Variants in NHLH2 observed in about 807,000 individuals in gnomAD.
NHLH2 encodes helix-loop-helix protein 2.
Under a neutral mutation model 7.3 loss-of-function variants are expected in NHLH2, and 7 were observed. The ratio of observed to expected loss-of-function variants is 0.96; its 90% CI spans 0.55 to 1.81. The LOEUF (loss-of-function observed/expected upper bound fraction) is 1.81, where lower values mean the gene tolerates loss of function less well. NHLH2 is among the 40% of genes most tolerant of loss of function. The pLI is 0.00. For missense variants in NHLH2, 155 were observed against 194.0 expected, an observed-to-expected ratio of 0.80 and a Z score of 1.19; for synonymous variants, 93 against 91.6, an observed-to-expected ratio of 1.01 and a Z score of -0.09.
At chr1:115,833,830 T>C (rs1418658), downstream of NHLH2, among the ~76,000 whole-genome samples, 2,551 of 152,320 alleles carry the variant, frequency 0.017, 79 homozygotes, top group African/African-American at 0.058. Flanking sequence ...GCTCTTAAGT[T>C]GGCCCTCTTC....
rs1313234520 is a variant in NHLH2 at position 115,838,023 on chromosome 1, T to G, written c.350A>C (p.Glu117Ala). Residue 117 changes from glutamate (E) to alanine (A), a missense_variant, in exon 3 of 3, where the codon GAG becomes GCG. This residue lies in a region of NHLH2 where 64 missense variants were observed against 107.4 expected (regional missense o/e 0.60). Transcript: ENST00000320238. Reference sequence around the variant, plus strand: ...GTAGCAGATGGCCAGGCGCAGGATCTCGATCTTGGAGAGCTTCTTGTCCGG... The same window carrying G: ...GTAGCAGATGGCCAGGCGCAGGATCGCGATCTTGGAGAGCTTCTTGTCCGG... ...LPPDKKLSKI[E>A]ILRLAICYIS... 2 of 1,610,436 alleles carry G rather than the reference T, an allele frequency of 1.2e-6. No individual in the cohort carries two copies. The highest frequency in any genetic ancestry group is 1.7e-6 in the Non-Finnish European group (2 of 1,178,638).
intron 2 of NHLH2, chr1:115,839,791 G>A (rs1651011788): frequency 6.0e-6 from 1 of 166,982 alleles, no homozygotes; most frequent in Non-Finnish European, 1.5e-5. Context: ...TCGGTTCCCA[G>A]CACCGCACTT....
At chr1:115,834,398 T>G (rs138918582), downstream of NHLH2, among the ~76,000 whole-genome samples, 2 of 152,286 alleles carry the variant, frequency 1.3e-5, no homozygotes, top group African/African-American at 2.4e-5. Flanking sequence ...GACATGTGGT[T>G]CTGGGTCTGT....
At chr1:115,839,743 G>C (rs1010474479) in intron 2 of NHLH2, 1 of 166,780 alleles carries the variant, frequency 6.0e-6, no homozygotes, top group African/African-American at 2.4e-5. Context: ...GTATAGGAGC[G>C]TTTGCTTCTA....
chr1:115,837,898 G>GC lies in NHLH2; in HGVS notation c.*66dup. On this transcript the variant is annotated 3_prime_UTR_variant, in exon 3 of 3. Coordinates refer to ENST00000320238, the MANE Select transcript of NHLH2 (RefSeq NM_005599.3). ...CGCAGCCTCCGCCACCCGAGCGACG[G>GC]CGCCCGTCCGGATCCGTAGCGTTTC... The GC allele has an allele frequency of 6.6e-7, 1 of 1,508,802 alleles. No individual in the cohort carries two copies. Among genetic ancestry groups the GC allele is most frequent in the South Asian group, 1.2e-5 (1 of 80,532 alleles). The allele number at this position is 1,508,802 out of a possible 1,614,324, so 93.5% of individuals were successfully genotyped here.
downstream of NHLH2, among the ~76,000 whole-genome samples, chr1:115,832,463 A>C (rs1036833226): frequency 6.6e-6 from 1 of 152,240 alleles, no homozygotes; most frequent in Non-Finnish European, 1.5e-5. Context: ...AAGGTAATGA[A>C]AATAGCTCAC....
downstream of NHLH2, among the ~76,000 whole-genome samples, chr1:115,835,654 C>T (rs1187893760): frequency 6.6e-6 from 1 of 152,204 alleles, no homozygotes; most frequent in African/African-American, 2.4e-5. Context: ...ATCCATCTAA[C>T]TGCATTTACT....
downstream of NHLH2, among the ~76,000 whole-genome samples, chr1:115,832,821 G>A (rs1463163304): frequency 6.6e-6 from 1 of 152,198 alleles, no homozygotes; most frequent in Non-Finnish European, 1.5e-5. Context: ...TGTGGTCTGA[G>A]TTGGGTCACA....
downstream of NHLH2, among the ~76,000 whole-genome samples, chr1:115,833,482 G>GC (rs1365766135): frequency 6.6e-6 from 1 of 152,144 alleles, no homozygotes; most frequent in Admixed American, 6.5e-5. Context: ...AGGCACCAAG[G>GC]GGGGTGGTGT....
At position 115,836,759 on chromosome 1, in the gene NHLH2, C is replaced by T. The variant is rs957740185; in HGVS notation, c.*1206G>A. On this transcript the variant is annotated 3_prime_UTR_variant, in exon 3 of 3. Transcript: ENST00000320238. ...ATCACACACACAAAGAAGCTACTCTCCTTATAAACAGCTTGTAAAGGACTT... is the reference window on the plus strand; with the variant it reads ...ATCACACACACAAAGAAGCTACTCTTCTTATAAACAGCTTGTAAAGGACTT... 6.6e-6 allele frequency: 1 copy of T among 152,040 alleles called. No homozygotes were observed. The highest frequency in any genetic ancestry group is 1.5e-5 in the Non-Finnish European group (1 of 67,952). The allele number at this position is 152,040 out of a possible 1,614,324, so 9.4% of individuals were successfully genotyped here. A position where few individuals can be genotyped will look rare whatever the true frequency, so the allele number is the denominator to read the frequency against.
intron 2 of NHLH2, 42 bp from the exon 3 acceptor site, chr1:115,838,422 G>T: frequency 1.3e-6 from 2 of 1,588,902 alleles, no homozygotes; most frequent in East Asian, 2.3e-5. Flanking sequence ...AGGAATCAGG[G>T]TATTTTGCTG....
rs1014456036 is a variant in NHLH2, at chr1:115,838,231, C to G, written c.142G>C (p.Gly48Arg). 6 of 1,559,690 alleles carry G rather than the reference C, an allele frequency of 3.8e-6. No homozygotes were observed. Among genetic ancestry groups the G allele is most frequent in the Middle Eastern group, 2.2e-4 (1 of 4,490 alleles). The change falls in exon 3 of 3, where the codon GGC becomes CGC. Residue 48 changes from glycine to arginine, a missense_variant. Transcript: ENST00000320238. ...AGCGCGGCTCGGCTGCCGCCCTTGC[C>G]GTCGCCCTCGGCCTCCTCCACCGGC... ...LEPVEEAEGD[G>R]KGGSRAALYP...
rs1350374975 is a variant in NHLH2 at position 115,840,939 on chromosome 1, T to C, written c.-338+9A>G. On this transcript the variant is annotated intron_variant, in intron 1 of 2. Coordinates refer to ENST00000320238, the MANE Select transcript of NHLH2 (RefSeq NM_005599.3). Reference sequence around the variant, plus strand: ...TATATCCCCCGTCCCCAGCCCCTCTTCTCTTTACCTTGTAGCAAAATATAT... The same window carrying C: ...TATATCCCCCGTCCCCAGCCCCTCTCCTCTTTACCTTGTAGCAAAATATAT... 1 of 167,516 alleles carries C rather than the reference T, an allele frequency of 6.0e-6. No individual in the cohort carries two copies. Among genetic ancestry groups the C allele is most frequent in the Non-Finnish European group, 1.5e-5 (1 of 68,516 alleles). The allele number at this position is 167,516 out of a possible 1,614,324, so 10.4% of individuals were successfully genotyped here.
downstream of NHLH2, among the ~76,000 whole-genome samples, chr1:115,834,240 G>A (rs2797194): frequency 0.34 from 52,252 of 152,014 alleles, 9,180 homozygotes; most frequent in Admixed American, 0.44. Flanking sequence ...TAGAAGTGAG[G>A]GGAAGTCCAT....
At chr1:115,832,436 T>C (rs1342491429), downstream of NHLH2, among the ~76,000 whole-genome samples, 1 of 152,234 alleles carries the variant, frequency 6.6e-6, no homozygotes, top group Non-Finnish European at 1.5e-5. Context: ...TTAATTCCTG[T>C]GCATATTATA....
chr1:115,838,282 C>T lies in NHLH2; in HGVS notation c.91G>A (p.Val31Met), dbSNP rs774831438. ...PESLGGTDTK[V>M]LGSVSDLEPV... is the part of the protein sequence containing the mutation. ...TCCAGGTCCGACACGCTGCCGAGCA[C>T]CTTGGTGTCCGTGCCGCCCAGGGAC... Residue 31 changes from valine to methionine, a missense_variant, in exon 3 of 3, where the codon GTG becomes ATG. Val to Met is a conservative substitution (Grantham distance 21, BLOSUM62 1). This residue lies in a region of NHLH2 where 91 missense variants were observed against 86.6 expected (regional missense o/e 1.05). Coordinates refer to ENST00000320238, the MANE Select transcript of NHLH2 (RefSeq NM_005599.3). 167 of 1,606,712 alleles carry T rather than the reference C, an allele frequency of 1.0e-4. No homozygotes were observed. The highest frequency in any genetic ancestry group is 2.3e-4 in the Admixed American group (14 of 59,720).
intron 2 of NHLH2, chr1:115,838,838 G>A (rs9661699): frequency 0.068 from 11,613 of 171,094 alleles, 1,501 homozygotes; most frequent in African/African-American, 0.26. Context: ...GGAGACGCGG[G>A]GTGCACTTCT....
downstream of NHLH2, among the ~76,000 whole-genome samples, chr1:115,832,698 G>T (rs1048737283): frequency 6.6e-6 from 1 of 152,296 alleles, no homozygotes; most frequent in South Asian, 2.1e-4. Flanking sequence ...ACACAGAGAT[G>T]GGAGAAACAG....
At position 115,836,559 on chromosome 1, in the gene NHLH2, C is replaced by A. The variant is rs1004825088; in HGVS notation, c.*1406G>T. ...TTTGGATAGCAGATGTGGTTTTTTT[C>A]CCTTGTCTCTAAAATACACTCCTTG... On this transcript the variant is annotated 3_prime_UTR_variant, in exon 3 of 3. Transcript: ENST00000320238. 6.6e-6 allele frequency: 1 copy of A among 152,504 alleles called. No homozygotes were observed. Among genetic ancestry groups the A allele is most frequent in the South Asian group, 2.1e-4 (1 of 4,826 alleles). 9.4% of individuals were successfully genotyped at this position (152,504 alleles called of 1,614,324 possible). A position where few individuals can be genotyped will look rare whatever the true frequency, so the allele number is the denominator to read the frequency against.
Sources: allele counts gnomAD v4.1 joint callset (sites outside exome capture counted in the v4.1 genomes callset), GRCh38; gene constraint gnomAD v4.1.1; regional missense constraint gnomAD v4.1.1; transcripts MANE v1.5; gene names NCBI Gene and HGNC (gene_info 2026-07-23, HGNC 2026-07-21).